Variants in WHRN observed in about 807,000 individuals in gnomAD.
The protein encoded by WHRN is CASK-interacting protein CIP98.
In WHRN, 41 loss-of-function variants were observed where a neutral mutation model predicts 68.3. That is an observed-to-expected ratio of 0.60 (90% CI 0.47 to 0.78). WHRN has a LOEUF of 0.78. Among genes scored for constraint, WHRN ranks in the 30% least tolerant of loss-of-function variants. The pLI is 0.00. For synonymous variants in WHRN, 560 were observed against 561.3 expected (o/e 1.00, Z 0.03); for missense variants, 1,243 against 1,244.7 (o/e 1.00, Z 0.02).
intron 3 of WHRN, among the ~76,000 whole-genome samples, chr9:114,433,253 G>A (rs1837568617): frequency 6.6e-6 from 1 of 152,230 alleles, no homozygotes; most frequent in African/African-American, 2.4e-5. Flanking sequence ...AAGAACCTGT[G>A]GCGGAATGGC....
rs1192320987 is a variant in WHRN at position 114,505,008 on chromosome 9, T to C, written c.-207A>G. The C allele has an allele frequency of 4.5e-6, 3 of 671,618 alleles. No homozygotes were observed. The highest frequency in any genetic ancestry group is 6.4e-6 in the Non-Finnish European group (3 of 468,778). The allele number at this position is 671,618 out of a possible 1,614,324, so 41.6% of individuals were successfully genotyped here. A position where few individuals can be genotyped will look rare whatever the true frequency, so the allele number is the denominator to read the frequency against. ...CCCGGAGGCGCGAAGACGGCGGGGG[T>C]CGCGAACCTGGAATCCGGGGGACGC... On this transcript the variant is annotated 5_prime_UTR_variant, in exon 1 of 12. Coordinates refer to ENST00000362057, the MANE Select transcript of WHRN (RefSeq NM_015404.4).
chr9:114,504,712 C>T lies in WHRN; in HGVS notation c.90G>A (p.Ala30=), dbSNP rs1458829732. 1 of 1,524,380 alleles carries T rather than the reference C, an allele frequency of 6.6e-7. No individual in the cohort carries two copies. Among genetic ancestry groups the T allele is most frequent in the Non-Finnish European group, 8.7e-7 (1 of 1,145,534 alleles). The allele number at this position is 1,524,380 out of a possible 1,614,324, so 94.4% of individuals were successfully genotyped here. A position where few individuals can be genotyped will look rare whatever the true frequency, so the allele number is the denominator to read the frequency against. The change falls in exon 1 of 12, where the codon GCG becomes GCA. Residue 30 remains alanine, a synonymous_variant. Transcript: ENST00000362057. The stretch of plus-strand genomic sequence containing the variant: ...CGTTGGCAGACAGTAACCGCAGCCC[C>T]GCGCCCCCGCCGCCGCCCGCCCCGG... ...SAAGAGGGGG[A]GLRLLSANVR...
chr9:114,485,501 G>A (rs1842407097), intron 1 of WHRN, among the ~76,000 whole-genome samples: 1 of 151,670 alleles, frequency 6.6e-6, no homozygotes, highest in African/African-American at 2.4e-5. Flanking sequence ...GGCCAGCCTG[G>A]CCAACATGGT....
chr9:114,501,436 AAAGAG>A (rs1196505165), intron 1 of WHRN, among the ~76,000 whole-genome samples: 1 of 152,158 alleles, frequency 6.6e-6, no homozygotes. Flanking sequence ...GATTTATCAG[AAAGAG>A]AAGTGGAAAA....
At chr9:114,488,646 A>G (rs1483004526) in intron 1 of WHRN, among the ~76,000 whole-genome samples, 1 of 152,192 alleles carries the variant, frequency 6.6e-6, no homozygotes, top group African/African-American at 2.4e-5. Context: ...GTCCAGCCAC[A>G]TGGACTGGAA....
intron 1 of WHRN, among the ~76,000 whole-genome samples, chr9:114,481,483 G>GCTTC (rs944982109): frequency 1.2e-4 from 19 of 152,188 alleles, no homozygotes; most frequent in African/African-American, 4.3e-4. Flanking sequence ...GACCAAGTGG[G>GCTTC]CTTCCCCCAG....
chr9:114,426,726 G>A (rs1836899821), intron 3 of WHRN, among the ~76,000 whole-genome samples: 1 of 152,178 alleles, frequency 6.6e-6, no homozygotes, highest in Admixed American at 6.5e-5. Context: ...TCATCTCAGG[G>A]CCAAGGTGGG....
At chr9:114,425,639 A>ACAG (rs1463564461) in intron 4 of WHRN, 1 of 228,842 alleles carries the variant, frequency 4.4e-6, no homozygotes, top group African/African-American at 2.3e-5. Flanking sequence ...ACAGAGAGAC[A>ACAG]CAGACAGACA....
intron 7 of WHRN, among the ~76,000 whole-genome samples, chr9:114,414,850 C>A (rs902418592): frequency 1.3e-5 from 2 of 152,192 alleles, no homozygotes; most frequent in African/African-American, 4.8e-5. Context: ...GGAGAAGACA[C>A]CTATCATCCT....
At chr9:114,405,819 G>T (rs548739650) in intron 9 of WHRN, among the ~76,000 whole-genome samples, 2 of 152,242 alleles carry the variant, frequency 1.3e-5, no homozygotes, top group African/African-American at 4.8e-5. Flanking sequence ...CTTTCAGGGT[G>T]GGGAGGCAGG....
At chr9:114,457,682 G>A (rs963817160) in intron 3 of WHRN, among the ~76,000 whole-genome samples, 2 of 152,246 alleles carry the variant, frequency 1.3e-5, no homozygotes, top group Middle Eastern at 3.4e-3. Context: ...TTGGGAGGCC[G>A]AGGCGGGTGG....
chr9:114,466,612 T>C (rs1198858172), intron 2 of WHRN, among the ~76,000 whole-genome samples: 2 of 152,102 alleles, frequency 1.3e-5, no homozygotes, highest in Non-Finnish European at 2.9e-5. Flanking sequence ...TCACCCCCTC[T>C]TGGTCACAGC....
intron 7 of WHRN, among the ~76,000 whole-genome samples, chr9:114,414,820 G>C (rs1348170911): frequency 6.6e-6 from 1 of 152,188 alleles, no homozygotes; most frequent in Non-Finnish European, 1.5e-5. Context: ...CCCTGGGATG[G>C]AGTGGGCTCT....
chr9:114,413,727 G>A (rs1485778437), intron 7 of WHRN, among the ~76,000 whole-genome samples: 1 of 152,158 alleles, frequency 6.6e-6, no homozygotes, highest in East Asian at 1.9e-4. Context: ...CCAGCACTGT[G>A]CTTTTCTACC....
In WHRN at chr9:114,423,451, T is replaced by C; in HGVS notation, c.1489A>G (p.Arg497Gly). The change falls in exon 7 of 12, where the codon AGG becomes GGG. Residue 497 changes from arginine (R) to glycine (G), a missense_variant. Transcript: ENST00000362057. Reference protein sequence around the residue: ...DLERFDHLVLRREIESMKARQ... With the variant: ...DLERFDHLVLGREIESMKARQ... ...GCCTTCATGGACTCAATCTCACGCC[T>C]CAGCACCAGGTGGTCGAAGCGTTCT... The C allele has an allele frequency of 6.2e-7, 1 of 1,614,048 alleles. No homozygotes were observed. The highest frequency in any genetic ancestry group is 8.5e-7 in the Non-Finnish European group (1 of 1,179,988).
rs777317421 is a variant in WHRN, at chr9:114,406,643, T to C, written c.1948A>G (p.Ile650Val). 2 of 1,612,328 alleles carry C rather than the reference T, an allele frequency of 1.2e-6. No individual in the cohort carries two copies. Among genetic ancestry groups the C allele is most frequent in the African/African-American group, 1.3e-5 (1 of 74,732 alleles). Residue 650 changes from isoleucine to valine, a missense_variant, in exon 9 of 12, where the codon ATC becomes GTC. By Grantham distance (29) the Ile-to-Val change is conservative (BLOSUM62 3). Transcript: ENST00000362057. ...TTGGCAGGGGAGACGGAGGCATAGA[T>C]GGGGGAAGAGGGCAAGTCCTGTGCA... ...SSAQDLPSSP[I>V]YASVSPANPS...
chr9:114,500,064 C>A (rs1843792667), intron 1 of WHRN, among the ~76,000 whole-genome samples: 2 of 152,144 alleles, frequency 1.3e-5, no homozygotes, highest in South Asian at 4.1e-4. Flanking sequence ...TTTTGTCCTA[C>A]CTAGGCATTA....
intron 3 of WHRN, among the ~76,000 whole-genome samples, chr9:114,459,303 C>CA (rs10679870): frequency 0.014 from 2,071 of 149,052 alleles, 34 homozygotes; most frequent in African/African-American, 0.044. Context: ...ACTAAAAATA[C>CA]AAAAAAAAAA....
intron 7 of WHRN, among the ~76,000 whole-genome samples, chr9:114,410,232 T>C (rs1447022978): frequency 6.6e-6 from 1 of 152,238 alleles, no homozygotes; most frequent in Non-Finnish European, 1.5e-5. Flanking sequence ...TCTGACTTTA[T>C]ACTCTTTGCA....
Sources: allele counts gnomAD v4.1 joint callset (sites outside exome capture counted in the v4.1 genomes callset), GRCh38; gene constraint gnomAD v4.1.1; transcripts MANE v1.5; gene names NCBI Gene and HGNC (gene_info 2026-07-23, HGNC 2026-07-21).